Variants in FRMPD4 observed in about 807,000 individuals in gnomAD.
FRMPD4 encodes the protein FERM and PDZ domain containing 4.
FRMPD4 carries 22 observed loss-of-function variants against 94.1 expected under a neutral mutation model. The ratio of observed to expected loss-of-function variants is 0.23; its 90% CI spans 0.17 to 0.33. The LOEUF (loss-of-function observed/expected upper bound fraction) is 0.33, where lower values mean the gene tolerates loss of function less well. Among genes scored for constraint, FRMPD4 ranks in the 10% least tolerant of loss-of-function variants. The pLI is 1.00. For synonymous variants in FRMPD4, 631 were observed against 548.6 expected (o/e 1.15, Z -2.10); for missense variants, 1,111 against 1,339.9 (o/e 0.83, Z 2.67).
At chrX:12,657,758 ATAAT>A (rs1183970078) in intron 4 of FRMPD4, among the ~76,000 whole-genome samples, 2 of 112,383 alleles carry the variant, frequency 1.8e-5, no homozygotes, top group African/African-American at 3.2e-5. Context: ...GTGTGATTGA[ATAAT>A]TAATTAACAG....
intron 4 of FRMPD4, among the ~76,000 whole-genome samples, chrX:12,665,354 G>C (rs1350247674): frequency 9.0e-6 from 1 of 110,791 alleles, no homozygotes; most frequent in Non-Finnish European, 1.9e-5. Flanking sequence ...TGAGGCAGGA[G>C]AATGGCATGA....
chrX:11,982,658 C>T (rs1210898571), intron 3 of FRMPD4, among the ~76,000 whole-genome samples: 1 of 111,382 alleles, frequency 9.0e-6, no homozygotes, highest in East Asian at 2.8e-4. Flanking sequence ...TTCAGCTCAA[C>T]AGTTAAATGA....
chrX:11,878,315 T>C (rs781617400), intron 3 of FRMPD4, among the ~76,000 whole-genome samples: 13 of 112,222 alleles, frequency 1.2e-4, no homozygotes, highest in African/African-American at 1.9e-4. Context: ...CAGGCACTTT[T>C]GGGAAAAGAA....
chrX:12,448,021 G>A (rs1381858956), intron 1 of FRMPD4, among the ~76,000 whole-genome samples: 1 of 111,956 alleles, frequency 8.9e-6, no homozygotes, highest in African/African-American at 3.2e-5. Flanking sequence ...GAGGACTGTC[G>A]TGGTAAACAA....
intron 1 of FRMPD4, among the ~76,000 whole-genome samples, chrX:11,852,751 C>G (rs939478681): frequency 1.8e-4 from 20 of 111,630 alleles, no homozygotes; most frequent in African/African-American, 6.2e-4. Flanking sequence ...CACCCAGATT[C>G]ATAAAGCAAG....
chrX:11,963,938 GT>G (rs1326579439), intron 3 of FRMPD4, among the ~76,000 whole-genome samples: 1 of 111,475 alleles, frequency 9.0e-6, no homozygotes, highest in Non-Finnish European at 1.9e-5. Flanking sequence ...CCAACCATTT[GT>G]TTTTAAAGAT....
intron 3 of FRMPD4, among the ~76,000 whole-genome samples, chrX:11,898,195 T>C (rs2053914874): frequency 9.0e-6 from 1 of 110,530 alleles, no homozygotes; most frequent in African/African-American, 3.3e-5. Flanking sequence ...AGATCAGTGA[T>C]TGTATTGACA....
chrX:11,868,959 A>C (rs2053739857), intron 2 of FRMPD4, among the ~76,000 whole-genome samples: 1 of 112,098 alleles, frequency 8.9e-6, no homozygotes, highest in Non-Finnish European at 1.9e-5. Flanking sequence ...TTACAGGAAA[A>C]CTTTGCTGAC....
chrX:12,085,274 T>G (rs1001913713), intron 3 of FRMPD4, among the ~76,000 whole-genome samples: 1 of 112,504 alleles, frequency 8.9e-6, no homozygotes, highest in African/African-American at 3.2e-5. Flanking sequence ...TTTAAATGTC[T>G]GAGAGGGCTT....
rs1491368741 is a variant in FRMPD4, at chrX:12,388,850, T to TATATATATATACACAC, written c.42-109829_42-109828insTATATATATACACACA. Among the ~76,000 whole-genome samples the TATATATATATACACAC allele has an allele frequency of 1.6e-3, 116 of 73,404 alleles. 1 individual carries two copies. The highest frequency in any genetic ancestry group is 6.1e-3 in the African/African-American group (95 of 15,541). 63.7% of individuals were successfully genotyped at this position (73,404 alleles called of 115,157 possible). A position where few individuals can be genotyped will look rare whatever the true frequency, so the allele number is the denominator to read the frequency against. ...ATATATATATATATATATATATATA[T>TATATATATATACACAC]ACACACAATGGAGTACTATTCAGCC... On this transcript the variant is annotated intron_variant, in intron 1 of 16. Coordinates refer to ENST00000675598, the MANE Select transcript of FRMPD4 (RefSeq NM_001368397.1).
At chrX:12,037,381 A>T (rs1200582096) in intron 3 of FRMPD4, among the ~76,000 whole-genome samples, 1 of 111,241 alleles carries the variant, frequency 9.0e-6, no homozygotes, top group Non-Finnish European at 1.9e-5. Flanking sequence ...CATACCAAAA[A>T]GTTTCTCCTG....
chrX:12,347,479 T>C (rs1241332644), intron 1 of FRMPD4, among the ~76,000 whole-genome samples: 2 of 110,947 alleles, frequency 1.8e-5, no homozygotes, highest in East Asian at 5.6e-4. Context: ...CAAATGTTTT[T>C]CCCACCTTGG....
chrX:11,955,931 T>G (rs1021458056), intron 3 of FRMPD4, among the ~76,000 whole-genome samples: 2 of 111,322 alleles, frequency 1.8e-5, no homozygotes, highest in African/African-American at 6.5e-5. Flanking sequence ...TCACTACACT[T>G]CAGGAAGTTT....
At chrX:12,613,797 G>A (rs934069482) in intron 3 of FRMPD4, among the ~76,000 whole-genome samples, 11 of 111,941 alleles carry the variant, frequency 9.8e-5, no homozygotes, top group Admixed American at 1.9e-4. Context: ...CTAACACGGT[G>A]AAACCCCGTC....
chrX:12,637,988 T>A (rs1172622383), intron 4 of FRMPD4, among the ~76,000 whole-genome samples: 2 of 112,111 alleles, frequency 1.8e-5, no homozygotes, highest in Non-Finnish European at 3.8e-5. Flanking sequence ...CGCTTTGTTC[T>A]CTCCATCCTA....
At chrX:12,649,532 A>T (rs2059578785) in intron 4 of FRMPD4, among the ~76,000 whole-genome samples, 1 of 111,485 alleles carries the variant, frequency 9.0e-6, no homozygotes, top group Non-Finnish European at 1.9e-5. Context: ...TGCAGCAAGG[A>T]CTATCCTAGG....
At chrX:11,842,954 A>T (rs767509211) in intron 1 of FRMPD4, among the ~76,000 whole-genome samples, 1 of 111,873 alleles carries the variant, frequency 8.9e-6, no homozygotes, top group African/African-American at 3.2e-5. Context: ...GCCTTTGACG[A>T]AATTCAACAA....
At chrX:11,836,131 C>T (rs1220343986) in intron 1 of FRMPD4, among the ~76,000 whole-genome samples, 2 of 110,916 alleles carry the variant, frequency 1.8e-5, no homozygotes, top group Non-Finnish European at 3.8e-5. Context: ...CCTTCAGACT[C>T]GTCCTGACAT....
intron 2 of FRMPD4, among the ~76,000 whole-genome samples, chrX:12,574,023 G>C (rs1404595406): frequency 3.6e-5 from 4 of 111,443 alleles, no homozygotes; most frequent in Non-Finnish European, 7.5e-5. Context: ...ATTTTTTTGA[G>C]ACAGTCTCAC....
Sources: allele counts gnomAD v4.1 joint callset (sites outside exome capture counted in the v4.1 genomes callset), GRCh38; gene constraint gnomAD v4.1.1; transcripts MANE v1.5; gene names NCBI Gene and HGNC (gene_info 2026-07-23, HGNC 2026-07-21).